The following PLA2R1 variants were observed in gnomAD, a reference collection of about 807,000 sequenced individuals.
The protein encoded by PLA2R1 is phospholipase A2 receptor 1.
PLA2R1 carries 158 observed loss-of-function variants against 195.9 expected under a neutral mutation model. That is an observed-to-expected ratio of 0.81 (90% confidence interval 0.71 to 0.92). The LOEUF is 0.92. Among genes scored for constraint, PLA2R1 ranks in the 40% least tolerant of loss-of-function variants. The pLI is 0.00. For missense variants in PLA2R1, 1,626 were observed against 1,764.6 expected (o/e 0.92, Z 1.41); for synonymous variants, 586 against 598.2 (o/e 0.98, Z 0.30).
At chr2:160,046,902 T>C (rs1465642804) in intron 1 of PLA2R1, among the ~76,000 whole-genome samples, 3 of 152,200 alleles carry the variant, frequency 2.0e-5, no homozygotes, top group African/African-American at 7.2e-5. Context: ...ACTCTCCTTT[T>C]CACTTTTTCA....
chr2:160,000,105 C>T (rs1691492899), intron 11 of PLA2R1, among the ~76,000 whole-genome samples: 1 of 152,088 alleles, frequency 6.6e-6, no homozygotes, highest in Non-Finnish European at 1.5e-5. Flanking sequence ...TGAGCATCTG[C>T]TTTGATAGTT....
the PLA2R1 span, among the ~76,000 whole-genome samples, chr2:159,924,950 C>T: frequency 6.6e-6 from 1 of 152,024 alleles, no homozygotes; most frequent in Non-Finnish European, 1.5e-5. Context: ...CCTGTGGTGC[C>T]CCATGTTGTC....
rs1438068086 is a variant in PLA2R1, at chr2:159,941,874, T to C, written c.4296A>G (p.Ala1432=). 3.1e-6 allele frequency: 5 copies of C among 1,613,376 alleles called. No individual in the cohort carries two copies. The African/African-American group carries it at 6.7e-5, about 22-fold the overall frequency. The change falls in exon 30 of 30, where the codon GCA becomes GCG. Residue 1432 remains alanine (A), a synonymous_variant. Transcript: ENST00000283243. ...KHNGGFFRRL[A]GFRNPYYPAT... ...CAGGATAGTAAGGATTCCGAAACCC[T>C]GCAAGTCTCCTGAAGAAGCCACCGT...
At position 159,946,932 on chromosome 2, in the gene PLA2R1, A is replaced by G; in HGVS notation, c.3851-15T>C. 2.0e-6 allele frequency: 3 copies of G among 1,478,868 alleles called. No homozygotes were observed. Among genetic ancestry groups the G allele is most frequent in the Non-Finnish European group, 1.9e-6 (2 of 1,069,618 alleles). 91.6% of individuals were successfully genotyped at this position (1,478,868 alleles called of 1,614,324 possible). On this transcript the variant is annotated splice_polypyrimidine_tract_variant and intron_variant, in intron 26 of 29. Coordinates refer to ENST00000283243, the MANE Select transcript of PLA2R1 (RefSeq NM_007366.5). ...AAGATTAGAACCTATAAGAGAGACA[A>G]GTAGCAAAGGAATATTTGTGTTTAC...
At chr2:159,924,628 T>C in the PLA2R1 span, among the ~76,000 whole-genome samples, 9 of 147,448 alleles carry the variant, frequency 6.1e-5, no homozygotes, top group Admixed American at 6.2e-4. Flanking sequence ...TGAAAGAAGT[T>C]ACCTATTGCT....
intron 4 of PLA2R1, 116 bp downstream of exon 4, chr2:160,032,843 G>T: frequency 1.1e-6 from 1 of 885,734 alleles, no homozygotes; most frequent in Non-Finnish European, 1.7e-6. Flanking sequence ...GCCATATTAT[G>T]GAAAGAAAAA....
intron 12 of PLA2R1, among the ~76,000 whole-genome samples, chr2:159,985,846 T>A (rs1690288472): frequency 1.3e-5 from 2 of 152,138 alleles, no homozygotes; most frequent in Non-Finnish European, 2.9e-5. Flanking sequence ...CAGCTCTTCC[T>A]CTTTTTCTTG....
At chr2:160,051,552 C>T (rs76797039) in intron 1 of PLA2R1, among the ~76,000 whole-genome samples, 2,087 of 152,308 alleles carry the variant, frequency 0.014, 20 homozygotes, top group Non-Finnish European at 0.023. Context: ...ATGTACTGAC[C>T]TTTTCCAGCT....
intron 1 of PLA2R1, 30 bp downstream of exon 1, chr2:160,062,265 C>T (rs1280112725): frequency 7.2e-7 from 1 of 1,381,880 alleles, no homozygotes; most frequent in Non-Finnish European, 9.5e-7. Context: ...CCCAACGTAC[C>T]GATCCAGTCC....
intron 10 of PLA2R1, among the ~76,000 whole-genome samples, chr2:160,009,035 A>G (rs1692178575): frequency 6.6e-6 from 1 of 152,258 alleles, no homozygotes; most frequent in African/African-American, 2.4e-5. Context: ...CTATTATCAA[A>G]ACAAAACAAC....
In PLA2R1 at chr2:159,956,615, T is replaced by A; in HGVS notation, c.2917A>T (p.Asn973Tyr). The change falls in exon 21 of 30, where the codon AAT becomes TAT. Residue 973 changes from asparagine (N) to tyrosine (Y), a missense_variant. Coordinates refer to ENST00000283243, the MANE Select transcript of PLA2R1 (RefSeq NM_007366.5). ...CAACTGCTTGGGTCTTTGGGGATAT[T>A]CAGCAGAAGGCACTATCAAAAAATG... The part of the protein sequence containing the change: ...LYFNYKCLLL[N>Y]IPKDPSSWKN... 1.3e-6 allele frequency: 2 copies of A among 1,596,826 alleles called. No homozygotes were observed. Among genetic ancestry groups the A allele is most frequent in the Non-Finnish European group, 1.7e-6 (2 of 1,164,248 alleles).
rs529948547 is a variant in PLA2R1 at position 159,970,306 on chromosome 2, C to A, written c.2596-94G>T. Reference sequence around the variant, plus strand: ...TTGCTGCTAATAGCTTTCTATTCTTCAGTATTTTACCCAATTATCTAAGGA... The same window carrying A: ...TTGCTGCTAATAGCTTTCTATTCTTAAGTATTTTACCCAATTATCTAAGGA... On this transcript the variant is annotated intron_variant, in intron 17 of 29. Transcript: ENST00000283243. 6 of 750,070 alleles carry A rather than the reference C, an allele frequency of 8.0e-6. No individual in the cohort carries two copies. In the African/African-American group the frequency reaches 8.9e-5, roughly 11 times the overall value. 46.5% of individuals were successfully genotyped at this position (750,070 alleles called of 1,614,324 possible).
At chr2:159,983,574 C>T (rs980640579) in intron 13 of PLA2R1, among the ~76,000 whole-genome samples, 13 of 151,800 alleles carry the variant, frequency 8.6e-5, no homozygotes, top group African/African-American at 2.4e-5. Flanking sequence ...GCTCTGCCTA[C>T]GTGGCCCTCT....
In PLA2R1 at chr2:159,933,947, G is replaced by C. The variant is rs1686694829; in HGVS notation, c.*7831C>G. On this transcript the variant is annotated 3_prime_UTR_variant, in exon 30 of 30. Coordinates refer to ENST00000283243, the MANE Select transcript of PLA2R1 (RefSeq NM_007366.5). ...ATGAAAGCAGTCATGCACAGTATGT[G>C]AGTGAATGGGGATGGCAGCATCCCA... 1 of 152,202 alleles carries C rather than the reference G, an allele frequency of 6.6e-6. No homozygotes were observed. Among genetic ancestry groups the C allele is most frequent in the Admixed American group, 6.5e-5 (1 of 15,280 alleles). 9.4% of individuals were successfully genotyped at this position (152,202 alleles called of 1,614,324 possible). A position where few individuals can be genotyped will look rare whatever the true frequency, so the allele number is the denominator to read the frequency against.
At chr2:160,032,269 C>A (rs1415386872) in intron 4 of PLA2R1, among the ~76,000 whole-genome samples, 1 of 152,080 alleles carries the variant, frequency 6.6e-6, no homozygotes, top group Non-Finnish European at 1.5e-5. Context: ...ATTTGAAAAA[C>A]ATTGGCATCA....
chr2:159,952,022 A>G (rs572358653), intron 23 of PLA2R1, among the ~76,000 whole-genome samples: 2 of 152,340 alleles, frequency 1.3e-5, no homozygotes, highest in South Asian at 4.1e-4. Flanking sequence ...ACAGGTGCAT[A>G]TTATCAGGTA....
At chr2:160,036,256 TTTAA>T (rs1355844113) in intron 3 of PLA2R1, among the ~76,000 whole-genome samples, 1 of 152,204 alleles carries the variant, frequency 6.6e-6, no homozygotes, top group Non-Finnish European at 1.5e-5. Context: ...CTGAATAGTA[TTTAA>T]TTTTCTTTTC....
chr2:159,993,937 T>C (rs1425890850), intron 11 of PLA2R1, among the ~76,000 whole-genome samples: 1 of 152,088 alleles, frequency 6.6e-6, no homozygotes, highest in Non-Finnish European at 1.5e-5. Flanking sequence ...GTGTTTCCTA[T>C]AAAAATTGTA....
At position 159,937,868 on chromosome 2, in the gene PLA2R1, T is replaced by C. The variant is rs1686907223; in HGVS notation, c.*3910A>G. Reference sequence around the variant, plus strand: ...CTACAGAATGAGTTTACAATTTCTTTATTAAAAGAAGCTTCACTGACATCA... The same window carrying C: ...CTACAGAATGAGTTTACAATTTCTTCATTAAAAGAAGCTTCACTGACATCA... On this transcript the variant is annotated 3_prime_UTR_variant, in exon 30 of 30. Transcript: ENST00000283243. 6.6e-6 allele frequency: 1 copy of C among 152,252 alleles called. No individual in the cohort carries two copies. The highest frequency in any genetic ancestry group is 2.1e-4 in the South Asian group (1 of 4,828). 9.4% of individuals were successfully genotyped at this position (152,252 alleles called of 1,614,324 possible).
Sources: allele counts gnomAD v4.1 joint callset (sites outside exome capture counted in the v4.1 genomes callset), GRCh38; gene constraint gnomAD v4.1.1; transcripts MANE v1.5; gene names NCBI Gene and HGNC (gene_info 2026-07-23, HGNC 2026-07-21).